The following CHCHD3 variants were observed in gnomAD, a reference collection of about 807,000 sequenced individuals.
CHCHD3 encodes the protein coiled-coil-helix-coiled-coil-helix domain containing 3.
Under a neutral mutation model 38.2 loss-of-function variants are expected in CHCHD3, and 20 were observed. The ratio of observed to expected loss-of-function variants is 0.52; its 90% confidence interval spans 0.37 to 0.76. The LOEUF is 0.76. Among genes scored for constraint, CHCHD3 ranks in the 30% least tolerant of loss-of-function variants. The pLI is 0.00. For missense variants in CHCHD3, 245 were observed against 279.2 expected, an observed-to-expected ratio of 0.88 and a Z score of 0.87; for synonymous variants, 82 against 100.0, an observed-to-expected ratio of 0.82 and a Z score of 1.07.
At chr7:132,835,555 C>T (rs1563249840) in intron 6 of CHCHD3, among the ~76,000 whole-genome samples, 1 of 152,164 alleles carries the variant, frequency 6.6e-6, no homozygotes, top group African/African-American at 2.4e-5. Context: ...CTCTCGCACT[C>T]CAAACCTAGT....
At chr7:132,832,953 G>A (rs1752672804) in intron 6 of CHCHD3, among the ~76,000 whole-genome samples, 1 of 152,164 alleles carries the variant, frequency 6.6e-6, no homozygotes, top group Non-Finnish European at 1.5e-5. Flanking sequence ...TGTGCTAGAG[G>A]TTTAGCAGCA....
intron 6 of CHCHD3, among the ~76,000 whole-genome samples, chr7:132,804,505 T>C (rs1209244492): frequency 6.6e-6 from 1 of 152,144 alleles, no homozygotes; most frequent in Admixed American, 6.5e-5. Flanking sequence ...TGCATAAAAA[T>C]ACATTCCAGT....
At chr7:132,821,445 CTTA>C (rs1336598414) in intron 6 of CHCHD3, among the ~76,000 whole-genome samples, 2 of 152,050 alleles carry the variant, frequency 1.3e-5, no homozygotes, top group Non-Finnish European at 2.9e-5. Context: ...CATGTGGATA[CTTA>C]TTATTTCATT....
At chr7:132,985,393 G>T (rs1250949534) in intron 3 of CHCHD3, among the ~76,000 whole-genome samples, 7 of 70,982 alleles carry the variant, frequency 9.9e-5, no homozygotes, top group East Asian at 5.8e-4. Context: ...TCAGCCCCCC[G>T]CCCGGCCAGC....
intron 7 of CHCHD3, among the ~76,000 whole-genome samples, chr7:132,789,110 G>A (rs138570215): frequency 3.6e-4 from 55 of 152,284 alleles, no homozygotes; most frequent in African/African-American, 1.3e-3. Flanking sequence ...CACCTTATAG[G>A]TTCTACTGTC....
intron 4 of CHCHD3, among the ~76,000 whole-genome samples, chr7:132,953,108 GA>G (rs11329333): frequency 0.71 from 108,518 of 152,070 alleles, 38,865 homozygotes; most frequent in African/African-American, 0.75. Context: ...ATCCATCAAG[GA>G]AAATTCCTCA....
intron 5 of CHCHD3, among the ~76,000 whole-genome samples, chr7:132,842,448 T>C (rs1807963622): frequency 6.6e-6 from 1 of 152,226 alleles, no homozygotes; most frequent in African/African-American, 2.4e-5. Context: ...TCAAAGGTAA[T>C]GATTTAACAA....
chr7:132,807,639 A>G (rs1323763628), intron 6 of CHCHD3, among the ~76,000 whole-genome samples: 7 of 116,072 alleles, frequency 6.0e-5, no homozygotes, highest in Non-Finnish European at 1.1e-4. Flanking sequence ...ATATATATAT[A>G]TATATACTTG....
At position 132,957,491 on chromosome 7, in the gene CHCHD3, C is replaced by CT. The variant is rs1298821456; in HGVS notation, c.369+17677dup. Among the ~76,000 whole-genome samples, 19 of 151,162 alleles carry CT rather than the reference C, an allele frequency of 1.3e-4. No individual in the cohort carries two copies. The East Asian group carries it at 1.7e-3, about 14-fold the overall frequency. On this transcript the variant is annotated intron_variant, in intron 4 of 7. Transcript: ENST00000262570. ...ACACCCTTCTTAAGTTTCTTTTTTTCTTTTTTTTTGAGACAGAGTCTCACT... is the reference window on the plus strand; with the variant it reads ...ACACCCTTCTTAAGTTTCTTTTTTTCTTTTTTTTTTGAGACAGAGTCTCACT...
intron 2 of CHCHD3, chr7:133,034,669 A>G: frequency 1.2e-6 from 2 of 1,613,288 alleles, no homozygotes; most frequent in Non-Finnish European, 1.7e-6. Context: ...CCCTCCCAGG[A>G]AAAGTACTCT....
intron 2 of CHCHD3, among the ~76,000 whole-genome samples, chr7:133,043,302 A>AT (rs1191951260): frequency 1.3e-5 from 2 of 152,070 alleles, no homozygotes; most frequent in African/African-American, 4.8e-5. Context: ...GACCAACCAT[A>AT]TTTTTTAATG....
intron 5 of CHCHD3, among the ~76,000 whole-genome samples, chr7:132,860,381 T>C (rs1204847354): frequency 6.6e-6 from 1 of 152,174 alleles, no homozygotes; most frequent in Non-Finnish European, 1.5e-5. Context: ...AACAAACTTA[T>C]TCCTCTTGGT....
intron 3 of CHCHD3, among the ~76,000 whole-genome samples, chr7:132,979,266 T>A (rs966979966): frequency 6.6e-6 from 1 of 152,226 alleles, no homozygotes; most frequent in Non-Finnish European, 1.5e-5. Flanking sequence ...ACTGTTATAA[T>A]TTCTACTCGA....
chr7:132,967,531 C>T (rs1255976811), intron 4 of CHCHD3, among the ~76,000 whole-genome samples: 2 of 151,990 alleles, frequency 1.3e-5, no homozygotes, highest in Non-Finnish European at 2.9e-5. Context: ...TGGCTGACGC[C>T]TGTAATCCCA....
At position 132,838,465 on chromosome 7, in the gene CHCHD3, G is replaced by A; in HGVS notation, c.458C>T (p.Ser153Leu). 6.2e-7 allele frequency: 1 copy of A among 1,609,032 alleles called. No individual in the cohort carries two copies. Among genetic ancestry groups the A allele is most frequent in the South Asian group, 1.1e-5 (1 of 90,490 alleles). Reference sequence around the variant, plus strand: ...TTCAGTGGTGACTCTGTAGAACTCTGAGCTCTGTGGACAAAGATTGATAGC... The same window carrying A: ...TTCAGTGGTGACTCTGTAGAACTCTAAGCTCTGTGGACAAAGATTGATAGC... Reference protein sequence around the residue: ...EQLARLEERSSEFYRVTTEQY... With the variant: ...EQLARLEERSLEFYRVTTEQY... Residue 153 changes from serine to leucine, a missense_variant, in exon 6 of 8, where the codon TCA (serine) becomes TTA (leucine). Coordinates refer to ENST00000262570, the MANE Select transcript of CHCHD3 (RefSeq NM_017812.4).
At chr7:132,967,662 T>TA (rs1554395361) in intron 4 of CHCHD3, among the ~76,000 whole-genome samples, 3 of 136,304 alleles carry the variant, frequency 2.2e-5, no homozygotes, top group South Asian at 2.3e-4. Context: ...AATAAATAAA[T>TA]AAATAAAATA....
intron 7 of CHCHD3, 86 bp from the exon 8 acceptor site, chr7:132,785,746 G>T: frequency 7.4e-7 from 1 of 1,350,808 alleles, no homozygotes; most frequent in Non-Finnish European, 1.0e-6. Flanking sequence ...GATTTGTGTT[G>T]CTTTTCAAAT....
rs1048894527 is a variant in CHCHD3, at chr7:132,788,584, G to C, written c.661-2924C>G. On this transcript the variant is annotated intron_variant, in intron 7 of 7. Transcript: ENST00000262570. The surrounding 1 kb of genome is among the most constrained non-coding windows in gnomAD (Gnocchi z 4.0). ...CCAAATATAGATGGGTAATTTTTCA[G>C]CCAAATCATATCATGCTAAGAATGT... 2.6e-5 allele frequency among the ~76,000 whole-genome samples: 4 copies of C among 152,162 alleles called. No individual in the cohort carries two copies. The highest frequency in any genetic ancestry group is 9.7e-5 in the African/African-American group (4 of 41,444).
chr7:132,844,165 G>A (rs1273945306), intron 5 of CHCHD3, among the ~76,000 whole-genome samples: 1 of 152,170 alleles, frequency 6.6e-6, no homozygotes, highest in Non-Finnish European at 1.5e-5. Flanking sequence ...AGCTGTGGTT[G>A]CGGGTACCTG....
Sources: allele counts gnomAD v4.1 joint callset (sites outside exome capture counted in the v4.1 genomes callset), GRCh38; gene constraint gnomAD v4.1.1; non-coding constraint Gnocchi (gnomAD v3.1); transcripts MANE v1.5; gene names NCBI Gene and HGNC (gene_info 2026-07-23, HGNC 2026-07-21).